The following PAQR5 variants were observed in gnomAD, a reference collection of about 807,000 sequenced individuals.
PAQR5 encodes membrane progestin receptor gamma.
PAQR5 carries 20 observed loss-of-function variants against 34.5 expected under a neutral mutation model. That is an observed-to-expected ratio of 0.58 (90% CI 0.41 to 0.84). The LOEUF is 0.84. PAQR5 is among the 40% of genes least tolerant of loss of function. PAQR5 has a pLI of 0.00. For missense variants in PAQR5, 378 were observed against 412.7 expected (o/e 0.92, Z 0.73); for synonymous variants, 131 against 155.6 (o/e 0.84, Z 1.18).
At position 69,337,439 on chromosome 15, in the gene PAQR5, T is replaced by C. The variant is rs1341997492; in HGVS notation, c.-178T>C. On this transcript the variant is annotated 5_prime_UTR_variant, in exon 2 of 9. Coordinates refer to ENST00000395407, the MANE Select transcript of PAQR5 (RefSeq NM_017705.4). ...TGACTTTTAGAGCCAATTAAAGCCC[T>C]TTGGGGAATCTGGCCTCATACCTTG... 1 of 152,278 alleles carries C rather than the reference T, an allele frequency of 6.6e-6. No individual in the cohort carries two copies. The highest frequency in any genetic ancestry group is 1.5e-5 in the Non-Finnish European group (1 of 68,040). The allele number at this position is 152,278 out of a possible 1,614,324, so 9.4% of individuals were successfully genotyped here.
chr15:69,373,824 G>C (rs1429065502), intron 3 of PAQR5, among the ~76,000 whole-genome samples: 2 of 152,044 alleles, frequency 1.3e-5, no homozygotes, highest in Non-Finnish European at 2.9e-5. Context: ...GACTGGTCTC[G>C]AACTCCTGAC....
intron 6 of PAQR5, among the ~76,000 whole-genome samples, chr15:69,390,317 G>GTTTT (rs1370944463): frequency 1.5e-5 from 2 of 130,522 alleles, no homozygotes; most frequent in African/African-American, 2.8e-5. Context: ...TGCCTGACCT[G>GTTTT]TTTTTTATTT....
At chr15:69,381,100 G>A (rs1049346058) in intron 4 of PAQR5, among the ~76,000 whole-genome samples, 6 of 152,202 alleles carry the variant, frequency 3.9e-5, no homozygotes, top group African/African-American at 7.2e-5. Context: ...CTGGGCCTGC[G>A]GACTGGGCAG....
intron 3 of PAQR5, among the ~76,000 whole-genome samples, chr15:69,371,690 A>G (rs1007125692): frequency 6.6e-6 from 1 of 152,148 alleles, no homozygotes; most frequent in African/African-American, 2.4e-5. Context: ...ATCTGATTGG[A>G]AAGTCACCTT....
At chr15:69,299,723 C>T (rs773112003) in intron 1 of PAQR5, among the ~76,000 whole-genome samples, 14 of 152,308 alleles carry the variant, frequency 9.2e-5, no homozygotes, top group Non-Finnish European at 1.3e-4. Context: ...CCCGGCCCAG[C>T]AGAACAAGAA....
chr15:69,364,598 T>A (rs1228491435), intron 3 of PAQR5, among the ~76,000 whole-genome samples: 1 of 137,484 alleles, frequency 7.3e-6, no homozygotes, highest in Admixed American at 7.6e-5. Context: ...TTCTTGGTTT[T>A]AATGAAAAGA....
In PAQR5 at chr15:69,325,181, G is replaced by C. The variant is rs1460568774; in HGVS notation, c.-276-12160G>C. ...CCCAGTGTGCTGGGCTTACAGGCGTGAGCCACCGCGCCTGGCCCCAAGCTT... is the reference window on the plus strand; with the variant it reads ...CCCAGTGTGCTGGGCTTACAGGCGTCAGCCACCGCGCCTGGCCCCAAGCTT... On this transcript the variant is annotated intron_variant, in intron 1 of 8. Transcript: ENST00000395407. Among the ~76,000 whole-genome samples the C allele has an allele frequency of 2.0e-5, 3 of 152,178 alleles. No homozygotes were observed. The East Asian group carries it at 5.8e-4, about 29-fold the overall frequency.
intron 2 of PAQR5, among the ~76,000 whole-genome samples, chr15:69,339,354 C>T (rs2054586964): frequency 6.6e-6 from 1 of 152,136 alleles, no homozygotes; most frequent in East Asian, 1.9e-4. Flanking sequence ...AAGGTGAACC[C>T]CTTGGGCAGT....
Position 69,379,754 on chromosome 15 carries a change from G to A in PAQR5, c.52-129G>A, listed in dbSNP as rs2055827748. ...AGGGAAGGAGAGAGTGAGGGGAACAGCTTAACAGGTTAAGGACTTGGGGTC... is the reference window on the plus strand; with the variant it reads ...AGGGAAGGAGAGAGTGAGGGGAACAACTTAACAGGTTAAGGACTTGGGGTC... On this transcript the variant is annotated intron_variant, in intron 3 of 8. Coordinates refer to ENST00000395407, the MANE Select transcript of PAQR5 (RefSeq NM_017705.4). 14 of 1,293,424 alleles carry A rather than the reference G, an allele frequency of 1.1e-5. No homozygotes were observed. The South Asian group carries it at 2.0e-4, about 19-fold the overall frequency. The allele number at this position is 1,293,424 out of a possible 1,614,324, so 80.1% of individuals were successfully genotyped here. A position where few individuals can be genotyped will look rare whatever the true frequency, so the allele number is the denominator to read the frequency against.
intron 1 of PAQR5, among the ~76,000 whole-genome samples, chr15:69,325,341 A>G (rs1234871290): frequency 2.6e-5 from 4 of 152,166 alleles, no homozygotes; most frequent in African/African-American, 4.8e-5. Flanking sequence ...AGGCAGCCAC[A>G]GCACCCTGGA....
At chr15:69,312,833 A>C (rs1432686406) in intron 1 of PAQR5, among the ~76,000 whole-genome samples, 5 of 152,152 alleles carry the variant, frequency 3.3e-5, no homozygotes, top group Non-Finnish European at 1.5e-5. Context: ...ACTGCCTCAA[A>C]TCACAGAGAC....
chr15:69,332,182 G>A (rs2054394717), intron 1 of PAQR5, among the ~76,000 whole-genome samples: 1 of 152,222 alleles, frequency 6.6e-6, no homozygotes, highest in Admixed American at 6.5e-5. Flanking sequence ...TAGCAAATCT[G>A]CTGTACTTTG....
At chr15:69,393,937 C>T (rs1465257091) in intron 6 of PAQR5, among the ~76,000 whole-genome samples, 1 of 152,130 alleles carries the variant, frequency 6.6e-6, no homozygotes, top group Non-Finnish European at 1.5e-5. Flanking sequence ...AGAATGCGTG[C>T]CCTCTTCGTG....
chr15:69,315,179 T>G (rs760299374), intron 1 of PAQR5, among the ~76,000 whole-genome samples: 8 of 152,056 alleles, frequency 5.3e-5, no homozygotes, highest in Non-Finnish European at 8.8e-5. Context: ...CCCCACAGAC[T>G]GTTTATGGTG....
intron 3 of PAQR5, among the ~76,000 whole-genome samples, chr15:69,377,722 T>C (rs2140908275): frequency 1.2e-5 from 1 of 84,674 alleles, no homozygotes; most frequent in East Asian, 3.1e-4. Flanking sequence ...ACTTAAACGC[T>C]TCACTTTTCT....
At chr15:69,301,567 CTT>C (rs768395949) in intron 1 of PAQR5, among the ~76,000 whole-genome samples, 36 of 152,304 alleles carry the variant, frequency 2.4e-4, no homozygotes, top group Admixed American at 9.8e-4. Flanking sequence ...AGAGAAGGTG[CTT>C]TTCTGGGCCT....
intron 4 of PAQR5, among the ~76,000 whole-genome samples, chr15:69,380,872 C>T (rs906770239): frequency 6.6e-6 from 1 of 152,174 alleles, no homozygotes; most frequent in East Asian, 1.9e-4. Context: ...TCACTGGACT[C>T]CCTCCAGTCA....
chr15:69,330,932 C>G (rs6494793), intron 1 of PAQR5, among the ~76,000 whole-genome samples: 135,127 of 152,168 alleles, frequency 0.89, 61,506 homozygotes, highest in Non-Finnish European at 0.99. Flanking sequence ...GTTCGGTGGC[C>G]CCACTCCAGT....
Position 69,335,224 on chromosome 15 carries a change from A to T in PAQR5, c.-276-2117A>T, listed in dbSNP as rs2054484528. Among the ~76,000 whole-genome samples, 4 of 149,044 alleles carry T rather than the reference A, an allele frequency of 2.7e-5. No individual in the cohort carries two copies. In the South Asian group the frequency reaches 8.5e-4, roughly 32 times the overall value. On this transcript the variant is annotated intron_variant, in intron 1 of 8. Transcript: ENST00000395407. ...GAGTGAGACCATGTCTCAAAAAAAA[A>T]AAGATTTAAAAGAAATTTTAGCTTT...
Sources: gnomAD v4.1 joint callset for allele counts (sites outside exome capture counted in the v4.1 genomes callset) on GRCh38, gnomAD v4.1.1 for gene constraint, MANE v1.5 for transcripts, NCBI Gene and HGNC (gene_info 2026-07-23, HGNC 2026-07-21) for gene names.